Variants in SH3GL3 observed in about 807,000 individuals in gnomAD.
SH3GL3 encodes the protein SH3 domain containing GRB2 like 3, endophilin A3.
A neutral mutation model predicts 47.7 loss-of-function variants in SH3GL3; 33 were observed. The ratio of observed to expected loss-of-function variants is 0.69; its 90% CI spans 0.52 to 0.92. The LOEUF (loss-of-function observed/expected upper bound fraction) is 0.92, where lower values mean the gene tolerates loss of function less well. Among genes scored for constraint, SH3GL3 ranks in the 40% least tolerant of loss-of-function variants. The pLI, the probability that SH3GL3 is intolerant of heterozygous loss-of-function variation, is 0.00. For missense variants in SH3GL3, 363 were observed against 417.8 expected (o/e 0.87, Z 1.14); for synonymous variants, 155 against 148.8 (o/e 1.04, Z -0.30).
intron 8 of SH3GL3, among the ~76,000 whole-genome samples, chr15:83,613,704 A>G (rs2060736756): frequency 6.6e-6 from 1 of 152,100 alleles, no homozygotes; most frequent in Non-Finnish European, 1.5e-5. Context: ...GTGTCAGCCT[A>G]TGAAATGTCT....
chr15:83,584,720 C>T (rs2115541), intron 6 of SH3GL3, among the ~76,000 whole-genome samples: 4,205 of 152,230 alleles, frequency 0.028, 211 homozygotes, highest in African/African-American at 0.096. Context: ...GCGTATATCA[C>T]GTGAACATTT....
intron 1 of SH3GL3, among the ~76,000 whole-genome samples, chr15:83,467,305 T>C (rs575744879): frequency 1.3e-5 from 2 of 152,374 alleles, no homozygotes; most frequent in South Asian, 2.1e-4. Flanking sequence ...CCCTCCTCCG[T>C]TGAATTGCTT....
Position 83,568,617 on chromosome 15 carries a change from G to A in SH3GL3, c.276G>A (p.Leu92=). ...CAGGATACCCGCAGACGGAAGGCTT[G>A]CTGGGGGACTGTATGCTGAAATACG... ...KTTGYPQTEG[L]LGDCMLKYGK... The change falls in exon 4 of 9, where the codon TTG becomes TTA. Residue 92 remains leucine, a synonymous_variant. Transcript: ENST00000427482. 2 of 1,613,826 alleles carry A rather than the reference G, an allele frequency of 1.2e-6. No homozygotes were observed. Among genetic ancestry groups the A allele is most frequent in the Non-Finnish European group, 1.7e-6 (2 of 1,179,692 alleles).
At chr15:83,549,262 T>C (rs1416589061) in intron 1 of SH3GL3, among the ~76,000 whole-genome samples, 1 of 152,234 alleles carries the variant, frequency 6.6e-6, no homozygotes, top group African/African-American at 2.4e-5. Context: ...AGTTTTCCAT[T>C]GTTGGTTCAG....
At chr15:83,620,981 G>C (rs1203549733), downstream of SH3GL3, among the ~76,000 whole-genome samples, 1 of 152,162 alleles carries the variant, frequency 6.6e-6, no homozygotes, top group East Asian at 1.9e-4. Context: ...TTTATGTTAT[G>C]GAGGTGGCTT....
At chr15:83,574,722 C>T (rs973687074) in intron 5 of SH3GL3, among the ~76,000 whole-genome samples, 2 of 152,172 alleles carry the variant, frequency 1.3e-5, no homozygotes, top group African/African-American at 2.4e-5. Flanking sequence ...GCCACCCCTT[C>T]CCCACATGAA....
chr15:83,476,184 T>C (rs2041086139), intron 1 of SH3GL3, among the ~76,000 whole-genome samples: 1 of 152,166 alleles, frequency 6.6e-6, no homozygotes, highest in Admixed American at 6.5e-5. Flanking sequence ...AGGAGGGAAT[T>C]GAGGCTTGGC....
intron 6 of SH3GL3, among the ~76,000 whole-genome samples, chr15:83,581,821 G>C (rs1187036260): frequency 2.0e-5 from 3 of 152,246 alleles, no homozygotes; most frequent in Non-Finnish European, 4.4e-5. Flanking sequence ...TGTAGCCTTT[G>C]GTTGTCTTGT....
chr15:83,621,085 G>A (rs1021885468), downstream of SH3GL3, among the ~76,000 whole-genome samples: 5 of 152,160 alleles, frequency 3.3e-5, no homozygotes, highest in Non-Finnish European at 7.4e-5. Flanking sequence ...TTGGCTTCAG[G>A]TAATGCAGCT....
chr15:83,536,496 G>A (rs1567313721), intron 1 of SH3GL3, among the ~76,000 whole-genome samples: 1 of 149,070 alleles, frequency 6.7e-6, no homozygotes, highest in Non-Finnish European at 1.5e-5. Context: ...CTCTGCCTTC[G>A]GGTTCAAGTG....
chr15:83,546,910 C>G (rs750851597), intron 1 of SH3GL3, among the ~76,000 whole-genome samples: 1 of 152,152 alleles, frequency 6.6e-6, no homozygotes, highest in Non-Finnish European at 1.5e-5. Flanking sequence ...TGTGACGGAG[C>G]TGGTATCCAA....
At chr15:83,458,919 C>T (rs1003506168) in intron 1 of SH3GL3, among the ~76,000 whole-genome samples, 5 of 152,168 alleles carry the variant, frequency 3.3e-5, no homozygotes, top group African/African-American at 7.2e-5. Flanking sequence ...TTGACTCACA[C>T]GATCACAAGG....
chr15:83,516,867 C>G (rs1762190261), intron 1 of SH3GL3, among the ~76,000 whole-genome samples: 1 of 151,840 alleles, frequency 6.6e-6, no homozygotes. Flanking sequence ...AAAATTAGGG[C>G]CATATCGTAT....
intron 1 of SH3GL3, among the ~76,000 whole-genome samples, chr15:83,449,261 GAGA>G (rs2039613020): frequency 6.6e-6 from 1 of 152,172 alleles, no homozygotes; most frequent in Non-Finnish European, 1.5e-5. Flanking sequence ...TGACAGGAGA[GAGA>G]AGACCATCAT....
At chr15:83,532,798 A>C (rs1394195481) in intron 1 of SH3GL3, among the ~76,000 whole-genome samples, 1 of 152,212 alleles carries the variant, frequency 6.6e-6, no homozygotes, top group Non-Finnish European at 1.5e-5. Flanking sequence ...TATAATCTCA[A>C]GCTGATTGAT....
chr15:83,490,990 A>C, intron 1 of SH3GL3: 1 of 1,591,752 alleles, frequency 6.3e-7, no homozygotes, highest in African/African-American at 1.3e-5. Context: ...GAAGCACTGA[A>C]AGAAGGTACA....
At chr15:83,546,712 A>T (rs1008183652) in intron 1 of SH3GL3, among the ~76,000 whole-genome samples, 1 of 151,124 alleles carries the variant, frequency 6.6e-6, no homozygotes, top group African/African-American at 2.4e-5. Context: ...GATGGTGTTT[A>T]TTCAAGGCCC....
chr15:83,609,842 T>G (rs2060617563), intron 8 of SH3GL3, among the ~76,000 whole-genome samples: 1 of 152,024 alleles, frequency 6.6e-6, no homozygotes, highest in Non-Finnish European at 1.5e-5. Flanking sequence ...GGCTTCCAGA[T>G]CCTGGCATGT....
At position 83,576,683 on chromosome 15, in the gene SH3GL3, A is replaced by G; in HGVS notation, c.566A>G (p.Lys189Arg). 1 of 1,613,914 alleles carries G rather than the reference A, an allele frequency of 6.2e-7. No homozygotes were observed. ...GAAGAAGTCAGACAAGCGGTAGAAA[A>G]ATTTGAAGAGTCAAAGGAGTTGGCT... ...PDEEVRQAVEKFEESKELAER... is the reference protein window; with the variant it reads ...PDEEVRQAVERFEESKELAER... Residue 189 changes from lysine to arginine, a missense_variant, in exon 6 of 9, where the codon AAA becomes AGA. Transcript: ENST00000427482.
Sources: gnomAD v4.1 joint callset for allele counts (sites outside exome capture counted in the v4.1 genomes callset) on GRCh38, gnomAD v4.1.1 for gene constraint, MANE v1.5 for transcripts, NCBI Gene and HGNC (gene_info 2026-07-23, HGNC 2026-07-21) for gene names.